RORA: variants seen among roughly 807,000 people sequenced by gnomAD.
RORA encodes RAR related orphan receptor A, also known as nuclear receptor ROR-alpha.
A neutral mutation model predicts 69.5 loss-of-function variants in RORA; 7 were observed. That is an observed-to-expected ratio of 0.10 (90% CI 0.06 to 0.19). The LOEUF (loss-of-function observed/expected upper bound fraction) is 0.19, where lower values mean the gene tolerates loss of function less well. Among genes scored for constraint, RORA ranks in the 10% least tolerant of loss-of-function variants. RORA has a pLI of 1.00. For missense variants in RORA, 457 were observed against 663.0 expected (o/e 0.69, Z 3.41); for synonymous variants, 261 against 240.8 (o/e 1.08, Z -0.78).
chr15:60,633,811 A>T (rs1391233194), intron 2 of RORA, among the ~76,000 whole-genome samples: 1 of 152,236 alleles, frequency 6.6e-6, no homozygotes, highest in African/African-American at 2.4e-5. Context: ...GCCCAGCCCA[A>T]ATATCATATG....
chr15:60,522,572 G>A (rs909850098), intron 3 of RORA, among the ~76,000 whole-genome samples: 5 of 152,176 alleles, frequency 3.3e-5, no homozygotes, highest in African/African-American at 1.2e-4. Context: ...CCAGGTGTTC[G>A]AGACCAGCCT....
At position 61,131,462 on chromosome 15, in the gene RORA, C is replaced by A. The variant is rs1183805080; in HGVS notation, c.166+97591G>T. Among the ~76,000 whole-genome samples, 91 of 152,266 alleles carry A rather than the reference C, an allele frequency of 6.0e-4. 2 individuals are homozygous for A. The highest frequency in any genetic ancestry group is 1.0e-4 in the Non-Finnish European group (7 of 68,004). On this transcript the variant is annotated intron_variant, in intron 1 of 10. Coordinates refer to ENST00000335670, the MANE Select transcript of RORA (RefSeq NM_134261.3). This position sits in a 1 kb window ranked among gnomAD's most constrained non-coding sequence, Gnocchi z 4.2. Reference sequence around the variant, plus strand: ...CAGCTGCAGGCTCTTTGGAGCTACTCCTGGGTTGGGGTGAGTGGGGACTGA... The same window carrying A: ...CAGCTGCAGGCTCTTTGGAGCTACTACTGGGTTGGGGTGAGTGGGGACTGA...
chr15:60,622,763 T>C (rs1400047549), intron 2 of RORA, among the ~76,000 whole-genome samples: 1 of 152,180 alleles, frequency 6.6e-6, no homozygotes, highest in African/African-American at 2.4e-5. Context: ...TCACCCAGGC[T>C]GGGGTGCAGT....
chr15:60,577,508 G>C (rs1445521696), intron 2 of RORA, among the ~76,000 whole-genome samples: 1 of 152,102 alleles, frequency 6.6e-6, no homozygotes, highest in Non-Finnish European at 1.5e-5. Flanking sequence ...GCCGGGTGTG[G>C]TGGTGCGTGT....
At chr15:60,708,195 G>A (rs1272343775) in intron 1 of RORA, among the ~76,000 whole-genome samples, 1 of 151,758 alleles carries the variant, frequency 6.6e-6, no homozygotes, top group Non-Finnish European at 1.5e-5. Context: ...GACTCTCCTA[G>A]GTACCTATCT....
intron 2 of RORA, among the ~76,000 whole-genome samples, chr15:60,571,995 C>G (rs1471966674): frequency 6.6e-6 from 1 of 152,164 alleles, no homozygotes; most frequent in African/African-American, 2.4e-5. Flanking sequence ...TACTGCAGAG[C>G]ACATAGGAGT....
intron 1 of RORA, among the ~76,000 whole-genome samples, chr15:60,747,577 A>G (rs16943043): frequency 0.014 from 2,180 of 152,282 alleles, 55 homozygotes; most frequent in African/African-American, 0.051. Context: ...ACTTACTACC[A>G]TTTGGACTTG....
chr15:61,158,011 C>T (rs925543563), intron 1 of RORA, among the ~76,000 whole-genome samples: 3 of 152,184 alleles, frequency 2.0e-5, no homozygotes, highest in Non-Finnish European at 2.9e-5. Flanking sequence ...CAGTTCAATT[C>T]ATGAGAGGAC....
intron 3 of RORA, among the ~76,000 whole-genome samples, chr15:60,526,934 T>C (rs1178110101): frequency 6.6e-6 from 1 of 152,228 alleles, no homozygotes; most frequent in Admixed American, 6.5e-5. Context: ...ACTTATATAC[T>C]CTAGATATTT....
chr15:61,148,657 C>T (rs1341796500), intron 1 of RORA, among the ~76,000 whole-genome samples: 1 of 152,136 alleles, frequency 6.6e-6, no homozygotes, highest in Non-Finnish European at 1.5e-5. Context: ...TAATTGCACT[C>T]CTGCAATTTC....
At chr15:60,601,294 T>C (rs531558250) in intron 2 of RORA, among the ~76,000 whole-genome samples, 1 of 152,328 alleles carries the variant, frequency 6.6e-6, no homozygotes, top group South Asian at 2.1e-4. Context: ...TTGCACAATG[T>C]AGTAAATTAT....
At chr15:60,978,154 CAA>C (rs1451573372) in intron 1 of RORA, among the ~76,000 whole-genome samples, 1 of 146,598 alleles carries the variant, frequency 6.8e-6, no homozygotes, top group Non-Finnish European at 1.5e-5. Context: ...TCATCATCAT[CAA>C]GATCATCAAC....
chr15:61,127,827 G>A lies in RORA; in HGVS notation c.166+101226C>T, dbSNP rs111852217. On this transcript the variant is annotated intron_variant, in intron 1 of 10. Transcript: ENST00000335670. ...ACTCCATTCACCCGTCCAGTTCTCC[G>A]GTGAGGGTGCAGTACCTGGGCTGGC... is the stretch of plus-strand genomic sequence containing the variant. Among the ~76,000 whole-genome samples, 894 of 152,176 alleles carry A rather than the reference G, an allele frequency of 5.9e-3. 7 individuals carry two copies. Among genetic ancestry groups the A allele is most frequent in the African/African-American group, 0.021 (857 of 41,506 alleles).
At chr15:60,589,603 A>G (rs1457988777) in intron 2 of RORA, among the ~76,000 whole-genome samples, 8 of 152,360 alleles carry the variant, frequency 5.3e-5, no homozygotes, top group Non-Finnish European at 5.9e-5. Context: ...TGGTATTGGA[A>G]TTTTGTTGTT....
chr15:61,191,088 G>A (rs920228), intron 1 of RORA, among the ~76,000 whole-genome samples: 146,804 of 152,194 alleles, frequency 0.96, 71,021 homozygotes, highest in East Asian at 1. Context: ...TTATATAGTG[G>A]AAACAACATA....
At chr15:60,883,130 CAAAAAAA>C (rs60074751) in intron 1 of RORA, among the ~76,000 whole-genome samples, 2 of 43,092 alleles carry the variant, frequency 4.6e-5, no homozygotes. Flanking sequence ...GACATCGTCT[CAAAAAAA>C]AAAAAAAAAA....
At chr15:60,985,124 TA>T (rs1894161302) in intron 1 of RORA, among the ~76,000 whole-genome samples, 2 of 152,222 alleles carry the variant, frequency 1.3e-5, no homozygotes, top group South Asian at 4.1e-4. Flanking sequence ...TCAAGTTTCC[TA>T]AAATTTGGAA....
intron 1 of RORA, among the ~76,000 whole-genome samples, chr15:60,894,869 C>T (rs729977): frequency 0.3 from 45,469 of 152,066 alleles, 7,068 homozygotes; most frequent in South Asian, 0.42. Context: ...CATCCCTGCA[C>T]AGGCACAGCA....
At chr15:60,962,012 T>C (rs896970919) in intron 1 of RORA, among the ~76,000 whole-genome samples, 1 of 152,222 alleles carries the variant, frequency 6.6e-6, no homozygotes, top group African/African-American at 2.4e-5. Flanking sequence ...GTTGGAACAT[T>C]GAAAGGTGCC....
Sources: gnomAD v4.1 joint callset for allele counts (sites outside exome capture counted in the v4.1 genomes callset) on GRCh38, gnomAD v4.1.1 for gene constraint, Gnocchi (gnomAD v3.1) non-coding constraint, MANE v1.5 for transcripts, NCBI Gene and HGNC (gene_info 2026-07-23, HGNC 2026-07-21) for gene names.